The following BAIAP2L1 variants were observed in gnomAD, a reference collection of about 807,000 sequenced individuals.
The protein encoded by BAIAP2L1 is BAR/IMD domain containing adaptor protein 2 like 1.
BAIAP2L1 carries 35 observed loss-of-function variants against 66.3 expected under a neutral mutation model. The ratio of observed to expected loss-of-function variants is 0.53; its 90% CI spans 0.40 to 0.70. The LOEUF (loss-of-function observed/expected upper bound fraction) is 0.70, where lower values mean the gene tolerates loss of function less well. Ranked by LOEUF, BAIAP2L1 falls within the 30% of genes least tolerant of loss-of-function variation. BAIAP2L1 has a pLI of 0.00. For missense variants in BAIAP2L1, 622 were observed against 656.9 expected (o/e 0.95, Z 0.58); for synonymous variants, 269 against 248.7 (o/e 1.08, Z -0.77).
chr7:98,353,109 A>G (rs1293337040), intron 3 of BAIAP2L1, among the ~76,000 whole-genome samples: 2 of 151,826 alleles, frequency 1.3e-5, no homozygotes, highest in Non-Finnish European at 2.9e-5. Flanking sequence ...GAGTTACTAC[A>G]GTTCAGTCCT....
intron 3 of BAIAP2L1, among the ~76,000 whole-genome samples, chr7:98,329,804 A>G (rs1018665464): frequency 7.2e-5 from 11 of 152,110 alleles, no homozygotes; most frequent in African/African-American, 2.7e-4. Flanking sequence ...GGATTTAAAC[A>G]TAAGAGGAAG....
At chr7:98,340,221 A>C (rs1801708479) in intron 3 of BAIAP2L1, among the ~76,000 whole-genome samples, 1 of 152,238 alleles carries the variant, frequency 6.6e-6, no homozygotes, top group Admixed American at 6.5e-5. Context: ...CCCAGTGAGC[A>C]ATCTGGAAGC....
At chr7:98,395,705 C>G (rs1201719244) in intron 1 of BAIAP2L1, among the ~76,000 whole-genome samples, 1 of 152,014 alleles carries the variant, frequency 6.6e-6, no homozygotes, top group Non-Finnish European at 1.5e-5. Context: ...AAATTTTATG[C>G]AGCTTTTATA....
chr7:98,292,494 CA>C lies in BAIAP2L1; in HGVS notation c.*1026del. 1.3e-6 allele frequency: 1 copy of C among 798,230 alleles called. No individual in the cohort carries two copies. The highest frequency in any genetic ancestry group is 2.6e-5 in the Admixed American group (1 of 38,458). The allele number at this position is 798,230 out of a possible 1,614,324, so 49.4% of individuals were successfully genotyped here. On this transcript the variant is annotated 3_prime_UTR_variant, in exon 14 of 14. Transcript: ENST00000005260. ...GAATTTTAACCATGACTCTCCACTC[CA>C]AAATAGGTCCAGATCCTTGGCAGCC...
chr7:98,312,758 C>CTG (rs5886062), intron 7 of BAIAP2L1, among the ~76,000 whole-genome samples: 122,249 of 151,954 alleles, frequency 0.8, 49,266 homozygotes, highest in Middle Eastern at 0.83. Flanking sequence ...GGAAGAGGGA[C>CTG]TGGGTGAGTG....
chr7:98,341,594 T>C (rs1425428826), intron 3 of BAIAP2L1, among the ~76,000 whole-genome samples: 1 of 152,208 alleles, frequency 6.6e-6, no homozygotes, highest in Non-Finnish European at 1.5e-5. Context: ...CTAGGTCATA[T>C]ACCTGGTAGG....
chr7:98,354,535 C>T (rs533224377), intron 3 of BAIAP2L1, among the ~76,000 whole-genome samples: 2 of 152,336 alleles, frequency 1.3e-5, no homozygotes, highest in Non-Finnish European at 2.9e-5. Context: ...ATCCCCTCGG[C>T]AGCGGGCACT....
chr7:98,382,276 T>C (rs1802777177), intron 1 of BAIAP2L1, among the ~76,000 whole-genome samples: 2 of 152,100 alleles, frequency 1.3e-5, no homozygotes, highest in African/African-American at 2.4e-5. Context: ...GAGAACAATG[T>C]ACAGGAAAAC....
intron 3 of BAIAP2L1, among the ~76,000 whole-genome samples, chr7:98,327,704 T>G (rs1801406547): frequency 6.6e-6 from 1 of 152,126 alleles, no homozygotes; most frequent in Non-Finnish European, 1.5e-5. Context: ...GATTTTGTAT[T>G]CCTGACTATT....
chr7:98,386,693 G>GTTTTTTTTTTTTTTTTTTTT (rs71112150), intron 1 of BAIAP2L1: 3 of 155,918 alleles, frequency 1.9e-5, no homozygotes, highest in Non-Finnish European at 3.4e-5. Context: ...CTTTCCAAAG[G>GTTTTTTTTTTTTTTTTTTTT]TTTTTTTTTT....
chr7:98,344,923 C>T (rs1056639131), intron 3 of BAIAP2L1, among the ~76,000 whole-genome samples: 7 of 152,056 alleles, frequency 4.6e-5, no homozygotes, highest in Non-Finnish European at 7.4e-5. Context: ...GCAACAAGAG[C>T]GAAACTCTGT....
intron 12 of BAIAP2L1, among the ~76,000 whole-genome samples, chr7:98,299,812 G>A (rs1346877886): frequency 6.6e-6 from 1 of 152,224 alleles, no homozygotes; most frequent in East Asian, 1.9e-4. Context: ...AGGCTGAGGC[G>A]GGAGGATCAC....
Position 98,339,187 on chromosome 7 carries a change from C to G in BAIAP2L1, c.214+15855G>C, listed in dbSNP as rs1179975782. 3.3e-5 allele frequency among the ~76,000 whole-genome samples: 5 copies of G among 151,880 alleles called. No individual in the cohort carries two copies. The South Asian group carries it at 6.2e-4, about 19-fold the overall frequency. On this transcript the variant is annotated intron_variant, in intron 3 of 13. Coordinates refer to ENST00000005260, the MANE Select transcript of BAIAP2L1 (RefSeq NM_018842.5). ...AATTCTATGCTTGAGTTTTAAGGAA[C>G]TGGCAGACAGCTCCAATGTGGCTGC...
chr7:98,336,207 C>G (rs1801613069), intron 3 of BAIAP2L1, among the ~76,000 whole-genome samples: 1 of 152,178 alleles, frequency 6.6e-6, no homozygotes. Context: ...TGCTCACCAC[C>G]TGGGTGACAG....
chr7:98,329,037 T>C lies in BAIAP2L1; in HGVS notation c.215-8739A>G, dbSNP rs190504511. Among the ~76,000 whole-genome samples, 321 of 152,334 alleles carry C rather than the reference T, an allele frequency of 2.1e-3. 3 individuals carry two copies. The highest frequency in any genetic ancestry group is 7.1e-3 in the African/African-American group (295 of 41,566). ...GTCTGAAGTGCTGACATTTCTCCTA[T>C]AGTTTAAGTTGCATCCATCAGGATT... is the stretch of plus-strand genomic sequence containing the variant. On this transcript the variant is annotated intron_variant, in intron 3 of 13. Transcript: ENST00000005260.
At chr7:98,356,665 TAAAAAAAAAAA>T (rs35660519) in intron 2 of BAIAP2L1, among the ~76,000 whole-genome samples, 1 of 106,780 alleles carries the variant, frequency 9.4e-6, no homozygotes, top group Non-Finnish European at 1.8e-5. Flanking sequence ...CCTGGCTAAT[TAAAAAAAAAAA>T]AAAAAAAAAA....
chr7:98,292,479 C>T lies in BAIAP2L1; in HGVS notation c.*1042G>A, dbSNP rs1215945692. 2.7e-5 allele frequency: 19 copies of T among 698,672 alleles called. No homozygotes were observed. The highest frequency in any genetic ancestry group is 2.4e-5 in the Non-Finnish European group (10 of 417,970). 43.3% of individuals were successfully genotyped at this position (698,672 alleles called of 1,614,324 possible). ...CCTGGGCCGGGCTGGGAATTTTAAC[C>T]ATGACTCTCCACTCCAAAATAGGTC... On this transcript the variant is annotated 3_prime_UTR_variant, in exon 14 of 14. Transcript: ENST00000005260.
At chr7:98,342,944 T>C (rs1584471098) in intron 3 of BAIAP2L1, among the ~76,000 whole-genome samples, 1 of 152,034 alleles carries the variant, frequency 6.6e-6, no homozygotes, top group East Asian at 1.9e-4. Flanking sequence ...TGCCTTGAAC[T>C]GAACTGTGTA....
Position 98,315,630 on chromosome 7 carries a change from AT to A in BAIAP2L1, c.487-19del. 4 of 1,103,252 alleles carry A rather than the reference AT, an allele frequency of 3.6e-6. No homozygotes were observed. The highest frequency in any genetic ancestry group is 3.2e-5 in the African/African-American group (2 of 62,262). 68.3% of individuals were successfully genotyped at this position (1,103,252 alleles called of 1,614,324 possible). ...TCCACATACTAAAAAAAAAAAAATAATAATAATAATAATTATATAAGCATGA... is the reference window on the plus strand; with the variant it reads ...TCCACATACTAAAAAAAAAAAAATAAAATAATAATAATTATATAAGCATGA... On this transcript the variant is annotated intron_variant, in intron 6 of 13. Coordinates refer to ENST00000005260, the MANE Select transcript of BAIAP2L1 (RefSeq NM_018842.5).
Sources: gnomAD v4.1 joint callset for allele counts (sites outside exome capture counted in the v4.1 genomes callset) on GRCh38, gnomAD v4.1.1 for gene constraint, MANE v1.5 for transcripts, NCBI Gene and HGNC (gene_info 2026-07-23, HGNC 2026-07-21) for gene names.